The following CIMIP6 variants were observed in gnomAD, a reference collection of about 807,000 sequenced individuals.
The protein encoded by CIMIP6 is uncharacterized protein C2orf73.
chr2:54,351,019 T>C, the CIMIP6 span, among the ~76,000 whole-genome samples: 1 of 152,358 alleles, frequency 6.6e-6, no homozygotes, highest in East Asian at 1.9e-4. Context: ...CATAGTTACT[T>C]ATGATTTAAA....
At chr2:54,381,839 C>G in the CIMIP6 span, 2 of 1,526,138 alleles carry the variant, frequency 1.3e-6, no homozygotes, top group Non-Finnish European at 1.8e-6. Context: ...TCTTGTCTTC[C>G]TTCCAGATGA....
the CIMIP6 span, among the ~76,000 whole-genome samples, chr2:54,379,921 G>A: frequency 6.6e-6 from 1 of 151,636 alleles, no homozygotes; most frequent in Non-Finnish European, 1.5e-5. Flanking sequence ...AGGTTACAGT[G>A]AGCCGAGATA....
the CIMIP6 span, among the ~76,000 whole-genome samples, chr2:54,352,847 G>A: frequency 6.6e-6 from 1 of 152,122 alleles, no homozygotes; most frequent in African/African-American, 2.4e-5. Flanking sequence ...TATTTTTGTG[G>A]TTTATTTTTC....
chr2:54,366,637 A>C, the CIMIP6 span, among the ~76,000 whole-genome samples: 1 of 152,214 alleles, frequency 6.6e-6, no homozygotes, highest in Non-Finnish European at 1.5e-5. Flanking sequence ...CAAATCAGAG[A>C]TAAAAGAGCT....
At chr2:54,360,863 A>C in the CIMIP6 span, 1 of 203,080 alleles carries the variant, frequency 4.9e-6, no homozygotes, top group Admixed American at 5.8e-5. Flanking sequence ...CCTGTTAGAC[A>C]TGAGTGGACA....
chr2:54,352,413 G>T, the CIMIP6 span, among the ~76,000 whole-genome samples: 1 of 152,122 alleles, frequency 6.6e-6, no homozygotes, highest in Non-Finnish European at 1.5e-5. Context: ...AGGTATTATT[G>T]TGATTATTAC....
At chr2:54,341,078 T>G in the CIMIP6 span, among the ~76,000 whole-genome samples, 1 of 152,258 alleles carries the variant, frequency 6.6e-6, no homozygotes, top group South Asian at 2.1e-4. Context: ...AATAAGTTTT[T>G]GATCAACAAA....
At chr2:54,348,309 G>A in the CIMIP6 span, among the ~76,000 whole-genome samples, 2 of 152,140 alleles carry the variant, frequency 1.3e-5, no homozygotes, top group Non-Finnish European at 2.9e-5. Context: ...ACAATAAATG[G>A]TAACTGTTTC....
At chr2:54,377,143 G>A in the CIMIP6 span, among the ~76,000 whole-genome samples, 12 of 152,056 alleles carry the variant, frequency 7.9e-5, no homozygotes, top group Middle Eastern at 3.4e-3. Flanking sequence ...TTTACGGCTC[G>A]TGTCTGCATA....
At chr2:54,333,710 G>A in the CIMIP6 span, among the ~76,000 whole-genome samples, 106 of 152,120 alleles carry the variant, frequency 7.0e-4, 1 homozygote, top group Admixed American at 1.6e-3. Flanking sequence ...CCAACATGAC[G>A]AAACCCTGTC....
At chr2:54,340,095 C>T in the CIMIP6 span, among the ~76,000 whole-genome samples, 8 of 74,040 alleles carry the variant, frequency 1.1e-4, 3 homozygotes, top group African/African-American at 3.6e-4. Flanking sequence ...CAGGCAACTC[C>T]TGACCATGGA....
chr2:54,359,202 A>G, the CIMIP6 span: 1 of 645,034 alleles, frequency 1.6e-6, no homozygotes, highest in Non-Finnish European at 2.7e-6. Context: ...ATAGGATAGA[A>G]TGTTAGCCAC....
At chr2:54,350,600 T>C in the CIMIP6 span, among the ~76,000 whole-genome samples, 1 of 152,210 alleles carries the variant, frequency 6.6e-6, no homozygotes, top group South Asian at 2.1e-4. Flanking sequence ...CTCTGTCATA[T>C]CCTGTTGGTT....
chr2:54,365,049 G>A, the CIMIP6 span, among the ~76,000 whole-genome samples: 2 of 152,172 alleles, frequency 1.3e-5, no homozygotes, highest in African/African-American at 4.8e-5. Flanking sequence ...GGGAATGGAA[G>A]CCCCAGGTGC....
the CIMIP6 span, among the ~76,000 whole-genome samples, chr2:54,381,687 T>C: frequency 6.6e-6 from 1 of 152,364 alleles, no homozygotes; most frequent in Non-Finnish European, 1.5e-5. Flanking sequence ...CTATTCAGCC[T>C]TCCTCATCCT....
At chr2:54,348,007 G>A in the CIMIP6 span, among the ~76,000 whole-genome samples, 13 of 152,060 alleles carry the variant, frequency 8.5e-5, no homozygotes, top group East Asian at 1.9e-4. Flanking sequence ...CCTTAAGGAC[G>A]TAAGCCCTCT....
chr2:54,358,200 C>T, the CIMIP6 span, among the ~76,000 whole-genome samples: 6 of 152,180 alleles, frequency 3.9e-5, no homozygotes, highest in Non-Finnish European at 8.8e-5. Flanking sequence ...TGTTCAACTA[C>T]AACTGCAGCA....
At chr2:54,378,310 G>C in the CIMIP6 span, among the ~76,000 whole-genome samples, 1 of 152,160 alleles carries the variant, frequency 6.6e-6, no homozygotes, top group Non-Finnish European at 1.5e-5. Context: ...TCTTTCCTGC[G>C]AAAAATCCCA....
chr2:54,363,942 G>T, the CIMIP6 span, among the ~76,000 whole-genome samples: 1 of 152,190 alleles, frequency 6.6e-6, no homozygotes, highest in Non-Finnish European at 1.5e-5. Context: ...ATGGTCTGGG[G>T]TCATAAGCCC....
Sources: gnomAD v4.1 joint callset for allele counts (sites outside exome capture counted in the v4.1 genomes callset) on GRCh38, gnomAD v4.1.1 for gene constraint, MANE v1.5 for transcripts, NCBI Gene and HGNC (gene_info 2026-07-23, HGNC 2026-07-21) for gene names.